Variants in PCBD2 observed in about 807,000 individuals in gnomAD.
The protein encoded by PCBD2 is pterin-4 alpha-carbinolamine dehydratase 2.
Under a neutral mutation model 16.4 loss-of-function variants are expected in PCBD2, and 12 were observed. The ratio of observed to expected loss-of-function variants is 0.73; its 90% CI spans 0.47 to 1.19. The LOEUF is 1.19. PCBD2 is among the 50% of genes most tolerant of loss of function. The probability of loss-of-function intolerance (pLI) is 0.00; values close to 1 mark genes in which losing one functional copy is unlikely to be tolerated. For missense variants in PCBD2, 138 were observed against 156.8 expected (o/e 0.88, Z 0.64); for synonymous variants, 58 against 61.8 (o/e 0.94, Z 0.29).
At chr5:134,949,697 T>G (rs1482523262) in intron 2 of PCBD2, among the ~76,000 whole-genome samples, 1 of 152,236 alleles carries the variant, frequency 6.6e-6, no homozygotes, top group Non-Finnish European at 1.5e-5. Flanking sequence ...GCTAGAACAG[T>G]TAACAGTGTT....
At position 134,960,700 on chromosome 5, in the gene PCBD2, T is replaced by A; in HGVS notation, c.*19T>A. On this transcript the variant is annotated 3_prime_UTR_variant, in exon 4 of 4. Coordinates refer to ENST00000254908, the MANE Select transcript of PCBD2 (RefSeq NM_032151.5). ...TGTGTGATTTCTTCCAAAATACATG[T>A]AAAATCTTGTACACATCTTAGCTGC... is the stretch of plus-strand genomic sequence containing the variant. 1 of 1,554,892 alleles carries A rather than the reference T, an allele frequency of 6.4e-7. No homozygotes were observed. Among genetic ancestry groups the A allele is most frequent in the South Asian group, 1.1e-5 (1 of 89,092 alleles).
chr5:134,925,934 G>T, intron 2 of PCBD2: 2 of 391,092 alleles, frequency 5.1e-6, no homozygotes, highest in South Asian at 2.6e-4. Context: ...TCGCCGATAC[G>T]GTTGTATAGG....
intron 2 of PCBD2, among the ~76,000 whole-genome samples, chr5:134,931,038 C>G (rs553156584): frequency 6.6e-6 from 1 of 152,106 alleles, no homozygotes; most frequent in African/African-American, 2.4e-5. Context: ...CCACCTCAGC[C>G]TACCGAGTAG....
chr5:134,949,423 G>A (rs1159001305), intron 2 of PCBD2, among the ~76,000 whole-genome samples: 1 of 152,138 alleles, frequency 6.6e-6, no homozygotes, highest in Non-Finnish European at 1.5e-5. Flanking sequence ...ATACTGTAAA[G>A]TATATTACAT....
At chr5:134,949,186 C>T (rs776553540) in intron 2 of PCBD2, among the ~76,000 whole-genome samples, 6 of 152,038 alleles carry the variant, frequency 3.9e-5, no homozygotes, top group Admixed American at 6.6e-5. Context: ...TTGCCAGTTC[C>T]GCAAGGAAAT....
chr5:134,928,139 A>G (rs1751042158), intron 2 of PCBD2: 1 of 391,740 alleles, frequency 2.6e-6, no homozygotes. Flanking sequence ...AAAGACTAGT[A>G]TGGCGATAGG....
intron 2 of PCBD2, among the ~76,000 whole-genome samples, chr5:134,953,390 A>G (rs190213684): frequency 8.8e-4 from 131 of 149,008 alleles, no homozygotes; most frequent in Middle Eastern, 3.6e-3. Context: ...GTATATATAT[A>G]TAATACCTAT....
rs192965078 is a variant in PCBD2 at position 134,930,431 on chromosome 5, C to A, written c.216+19965C>A. On this transcript the variant is annotated intron_variant, in intron 2 of 3. Coordinates refer to ENST00000254908, the MANE Select transcript of PCBD2 (RefSeq NM_032151.5). ...TTTCTCACCAGGGACTTTTCCTCTCCCTCATCTCCTTACTCCTAGATATCG... is the reference window on the plus strand; with the variant it reads ...TTTCTCACCAGGGACTTTTCCTCTCACTCATCTCCTTACTCCTAGATATCG... Among the ~76,000 whole-genome samples, 19 of 152,268 alleles carry A rather than the reference C, an allele frequency of 1.2e-4. No individual in the cohort carries two copies. In the East Asian group the frequency reaches 2.1e-3, roughly 17 times the overall value.
chr5:134,958,290 T>G (rs1011705554), intron 2 of PCBD2, among the ~76,000 whole-genome samples: 2 of 152,252 alleles, frequency 1.3e-5, no homozygotes, highest in African/African-American at 4.8e-5. Flanking sequence ...TACCTTCTGC[T>G]TAACAAAATT....
chr5:134,926,794 G>A (rs1751005614), intron 2 of PCBD2: 1 of 397,970 alleles, frequency 2.5e-6, no homozygotes, highest in Non-Finnish European at 4.4e-6. Flanking sequence ...GAGCCTCATT[G>A]TGTTGTGGTA....
At chr5:134,928,152 C>T (rs555405615) in intron 2 of PCBD2, 1 of 390,906 alleles carries the variant, frequency 2.6e-6, no homozygotes, top group Non-Finnish European at 4.5e-6. Flanking sequence ...GCGATAGGTA[C>T]AATATTGGCT....
intron 2 of PCBD2, among the ~76,000 whole-genome samples, chr5:134,922,787 C>G (rs1299130320): frequency 6.6e-6 from 1 of 151,512 alleles, no homozygotes; most frequent in Admixed American, 6.6e-5. Context: ...CTCAGCCTCC[C>G]GAGTAGCTGG....
chr5:134,907,882 A>G (rs183620782), intron 1 of PCBD2, among the ~76,000 whole-genome samples: 1,579 of 149,066 alleles, frequency 0.011, 13 homozygotes, highest in South Asian at 0.018. Context: ...TCGGCCTCCC[A>G]AAGTGCTGGG....
intron 2 of PCBD2, among the ~76,000 whole-genome samples, chr5:134,916,640 A>G (rs1436563952): frequency 6.6e-6 from 1 of 152,252 alleles, no homozygotes; most frequent in Non-Finnish European, 1.5e-5. Context: ...CTTTTCTCTC[A>G]GAGTTTTATT....
At chr5:134,929,792 A>C (rs1447108033) in intron 2 of PCBD2, among the ~76,000 whole-genome samples, 1 of 152,164 alleles carries the variant, frequency 6.6e-6, no homozygotes, top group Non-Finnish European at 1.5e-5. Flanking sequence ...CCTGGGCTCA[A>C]GTGATCCGCC....
intron 2 of PCBD2, chr5:134,927,078 C>T (rs955567228): frequency 2.0e-5 from 8 of 398,316 alleles, no homozygotes; most frequent in Middle Eastern, 6.2e-4. Context: ...GGATGTAAGT[C>T]CGTGGGCGAC....
chr5:134,918,219 T>C (rs1750855682), intron 2 of PCBD2, among the ~76,000 whole-genome samples: 1 of 152,140 alleles, frequency 6.6e-6, no homozygotes, highest in African/African-American at 2.4e-5. Context: ...AAAATGTCAT[T>C]TTGTGCTGGG....
chr5:134,959,158 T>C, intron 3 of PCBD2, 38 bp downstream of exon 3: 2 of 1,469,282 alleles, frequency 1.4e-6, no homozygotes, highest in Non-Finnish European at 1.9e-6. Flanking sequence ...ACCTTAATTA[T>C]GGAGTTTAAG....
chr5:134,926,929 G>A (rs1306689853), intron 2 of PCBD2: 6 of 398,054 alleles, frequency 1.5e-5, no homozygotes, highest in African/African-American at 4.1e-5. Flanking sequence ...ATAGTGGGGG[G>A]TAAGGCGAGA....
Sources: allele counts gnomAD v4.1 joint callset (sites outside exome capture counted in the v4.1 genomes callset), GRCh38; gene constraint gnomAD v4.1.1; transcripts MANE v1.5; gene names NCBI Gene and HGNC (gene_info 2026-07-23, HGNC 2026-07-21).